PCID2: variants seen among roughly 807,000 people sequenced by gnomAD.
PCID2 encodes PCI domain-containing protein 2.
In PCID2, 41 loss-of-function variants were observed where a neutral mutation model predicts 61.3. The observed-to-expected ratio is 0.67, with a 90% CI of 0.52 to 0.87. The LOEUF (loss-of-function observed/expected upper bound fraction) is 0.87, where lower values mean the gene tolerates loss of function less well. Ranked by LOEUF, PCID2 falls within the 40% of genes least tolerant of loss-of-function variation. The probability of loss-of-function intolerance (pLI) is 0.00; values close to 1 mark genes in which losing one functional copy is unlikely to be tolerated. For synonymous variants in PCID2, 187 were observed against 177.8 expected (o/e 1.05, Z -0.41); for missense variants, 392 against 493.4 (o/e 0.79, Z 1.95).
chr13:113,185,066 CCTGA>C (rs907666190), intron 8 of PCID2, among the ~76,000 whole-genome samples: 5 of 152,258 alleles, frequency 3.3e-5, no homozygotes, highest in African/African-American at 1.2e-4. Flanking sequence ...CTGCTCTTCA[CCTGA>C]CTGACTTTAT....
chr13:113,204,947 C>T (rs1034727985), intron 1 of PCID2, among the ~76,000 whole-genome samples: 6 of 152,174 alleles, frequency 3.9e-5, no homozygotes, highest in African/African-American at 1.4e-4. Context: ...AGGCCTGGCT[C>T]ACCAGGGGAT....
the PCID2 span, among the ~76,000 whole-genome samples, chr13:113,165,797 C>T: frequency 6.6e-6 from 1 of 152,342 alleles, no homozygotes; most frequent in African/African-American, 2.4e-5. Context: ...TCCCAAAGTG[C>T]TGGGATTACA....
chr13:113,169,938 A>G, the PCID2 span, among the ~76,000 whole-genome samples: 1 of 152,172 alleles, frequency 6.6e-6, no homozygotes, highest in Non-Finnish European at 1.5e-5. Context: ...CTGTTCTGCA[A>G]ACTCCAGCCA....
At chr13:113,184,977 G>A (rs145848703) in intron 8 of PCID2, among the ~76,000 whole-genome samples, 16 of 152,402 alleles carry the variant, frequency 1.0e-4, no homozygotes, top group East Asian at 5.8e-4. Flanking sequence ...ATGCAGCACC[G>A]GCAGGAAGGT....
chr13:113,171,038 T>A, the PCID2 span, among the ~76,000 whole-genome samples: 1 of 152,050 alleles, frequency 6.6e-6, no homozygotes, highest in Non-Finnish European at 1.5e-5. This position sits in a 1 kb window ranked among gnomAD's most constrained non-coding sequence, Gnocchi z 5.1. Context: ...TTCTCATGCC[T>A]CAGCCTCCCG....
At chr13:113,194,645 C>T (rs2038872697) in intron 6 of PCID2, among the ~76,000 whole-genome samples, 1 of 152,160 alleles carries the variant, frequency 6.6e-6, no homozygotes, top group Non-Finnish European at 1.5e-5. Context: ...GGGGACGTCG[C>T]CTCCATAAAA....
chr13:113,185,607 T>C (rs1231009126), intron 7 of PCID2, 47 bp from the exon 8 acceptor site: 9 of 1,240,322 alleles, frequency 7.3e-6, no homozygotes, highest in Non-Finnish European at 8.2e-6. Context: ...ATAAAAATTT[T>C]ATTTATAAAT....
At chr13:113,170,399 T>C in the PCID2 span, 1 of 1,473,536 alleles carries the variant, frequency 6.8e-7, no homozygotes, top group Non-Finnish European at 9.5e-7. Context: ...TATTGTCTGT[T>C]TTGATTTTTA....
intron 13 of PCID2, 47 bp downstream of exon 13, chr13:113,178,919 A>T (rs2037358669): frequency 6.4e-7 from 1 of 1,571,244 alleles, no homozygotes. Flanking sequence ...TTCTGGGCTG[A>T]ATCTTGCTGT....
At chr13:113,174,022 T>A (rs2037153981), downstream of PCID2, among the ~76,000 whole-genome samples, 4 of 150,630 alleles carry the variant, frequency 2.7e-5, no homozygotes, top group Admixed American at 2.0e-4. Context: ...AGGTCAGGAG[T>A]TCGAGACCAG....
In PCID2 at chr13:113,193,245, C is replaced by T. The variant is rs551892515; in HGVS notation, c.363+1826G>A. Among the ~76,000 whole-genome samples the T allele has an allele frequency of 4.6e-5, 7 of 152,076 alleles. No individual in the cohort carries two copies. In the South Asian group the frequency reaches 1.2e-3, roughly 27 times the overall value. On this transcript the variant is annotated intron_variant, in intron 6 of 13. Coordinates refer to ENST00000337344, the MANE Select transcript of PCID2 (RefSeq NM_001127202.4). ...TAAAGGTAGAAAAAGTTTATTGGTA[C>T]ACTTCAGAAGCCACATTGTAACTAA...
intron 7 of PCID2, among the ~76,000 whole-genome samples, chr13:113,190,267 C>A (rs1359830572): frequency 6.8e-6 from 1 of 147,034 alleles, no homozygotes; most frequent in African/African-American, 2.5e-5. Context: ...CACATCAGAG[C>A]CAAATTACTG....
chr13:113,179,189 T>TA lies in PCID2; in HGVS notation c.987-101dup. On this transcript the variant is annotated intron_variant, in intron 12 of 13. Coordinates refer to ENST00000337344, the MANE Select transcript of PCID2 (RefSeq NM_001127202.4). This position sits in a 1 kb window ranked among gnomAD's most constrained non-coding sequence, Gnocchi z 4.3. ...TTAATAAGCCGGTGTTCTAAAGGAG[T>TA]AAAAAAATTCCCACCTATTAGATAA... is the stretch of plus-strand genomic sequence containing the variant. 1.0e-6 allele frequency: 1 copy of TA among 960,562 alleles called. No individual in the cohort carries two copies. Among genetic ancestry groups the TA allele is most frequent in the Non-Finnish European group, 1.5e-6 (1 of 660,194 alleles). 59.5% of individuals were successfully genotyped at this position (960,562 alleles called of 1,614,324 possible). A position where few individuals can be genotyped will look rare whatever the true frequency, so the allele number is the denominator to read the frequency against.
At chr13:113,201,607 C>T (rs1033659645) in intron 1 of PCID2, among the ~76,000 whole-genome samples, 4 of 151,950 alleles carry the variant, frequency 2.6e-5, no homozygotes, top group African/African-American at 7.3e-5. Flanking sequence ...GTCAGAAGAT[C>T]GAGACCCTCC....
At chr13:113,171,689 T>C in the PCID2 span, 1 of 1,613,980 alleles carries the variant, frequency 6.2e-7, no homozygotes, top group East Asian at 2.2e-5. This position sits in a 1 kb window ranked among gnomAD's most constrained non-coding sequence, Gnocchi z 5.1. Context: ...GAATGACCTG[T>C]CACTGCTGGA....
rs1416193042 is a variant in PCID2 at position 113,190,892 on chromosome 13, G to GA, written c.446dup (p.Arg150ProfsTer15). The GA allele has an allele frequency of 1.2e-6, 2 of 1,612,588 alleles. No homozygotes were observed. The highest frequency in any genetic ancestry group is 4.5e-5 in the East Asian group (2 of 44,774). Reference sequence around the variant, plus strand: ...CTCACGTGTCGCTGGCACAGACCCGGAAACAGCTCATCAGTAACTCTGCTG... The same window carrying GA: ...CTCACGTGTCGCTGGCACAGACCCGGAAAACAGCTCATCAGTAACTCTGCTG... On this transcript the variant is annotated frameshift_variant, in exon 7 of 14. Transcript: ENST00000337344. LOFTEE classifies it high-confidence loss of function.
chr13:113,172,521 G>C, the PCID2 span: 2 of 305,032 alleles, frequency 6.6e-6, no homozygotes, highest in Non-Finnish European at 1.3e-5. Context: ...AGCAGAAAGT[G>C]ACCTCCTCTG....
chr13:113,201,028 A>C (rs887047476), intron 1 of PCID2, among the ~76,000 whole-genome samples: 2 of 152,234 alleles, frequency 1.3e-5, no homozygotes, highest in Admixed American at 6.5e-5. Context: ...AATTATTCTA[A>C]TTTTACTCAA....
chr13:113,196,046 T>C, intron 5 of PCID2, 135 bp downstream of exon 5: 2 of 649,380 alleles, frequency 3.1e-6, no homozygotes. Context: ...GTGTAGATAT[T>C]ACCATATGTC....
Sources: allele counts gnomAD v4.1 joint callset (sites outside exome capture counted in the v4.1 genomes callset), GRCh38; gene constraint gnomAD v4.1.1; non-coding constraint Gnocchi (gnomAD v3.1); transcripts MANE v1.5; gene names NCBI Gene and HGNC (gene_info 2026-07-23, HGNC 2026-07-21).